LTBP1: variants seen among roughly 807,000 people sequenced by gnomAD.
LTBP1 encodes the protein latent-transforming growth factor beta-binding protein 1.
A neutral mutation model predicts 207.6 loss-of-function variants in LTBP1; 129 were observed. The ratio of observed to expected loss-of-function variants is 0.62; its 90% CI spans 0.54 to 0.72. LTBP1 has a LOEUF of 0.72. Among genes scored for constraint, LTBP1 ranks in the 30% least tolerant of loss-of-function variants. The pLI, the probability that LTBP1 is intolerant of heterozygous loss-of-function variation, is 0.00. For missense variants in LTBP1, 2,281 were observed against 2,217.2 expected, an observed-to-expected ratio of 1.03 and a Z score of -0.58; for synonymous variants, 963 against 833.7, an observed-to-expected ratio of 1.16 and a Z score of -2.67.
At chr2:33,097,634 T>G (rs1009197630) in intron 3 of LTBP1, among the ~76,000 whole-genome samples, 2 of 152,210 alleles carry the variant, frequency 1.3e-5, no homozygotes, top group Non-Finnish European at 2.9e-5. Flanking sequence ...ATAAGTAGTA[T>G]TAATAATGTG....
At chr2:33,265,381 G>A (rs1398208856) in intron 15 of LTBP1, among the ~76,000 whole-genome samples, 1 of 152,168 alleles carries the variant, frequency 6.6e-6, no homozygotes, top group African/African-American at 2.4e-5. Flanking sequence ...CAAAGGCTGT[G>A]GGTAGGAGTT....
At chr2:33,312,314 A>G (rs1395078657) in intron 23 of LTBP1, among the ~76,000 whole-genome samples, 9 of 152,216 alleles carry the variant, frequency 5.9e-5, no homozygotes, top group African/African-American at 2.2e-4. Context: ...TGTTCTGAAA[A>G]TACTTCTATA....
Position 33,399,417 on chromosome 2 carries a change from C to G in LTBP1, c.*872C>G, listed in dbSNP as rs952982688. The G allele has an allele frequency of 2.6e-5, 4 of 152,180 alleles. No individual in the cohort carries two copies. The highest frequency in any genetic ancestry group is 5.9e-5 in the Non-Finnish European group (4 of 68,030). 9.4% of individuals were successfully genotyped at this position (152,180 alleles called of 1,614,324 possible). ...ACATGTGTATAAGTTGTATCCCACT[C>G]TCCCCACTTTTATCTTTTCCAGTGG... On this transcript the variant is annotated 3_prime_UTR_variant, in exon 34 of 34. Coordinates refer to ENST00000404816, the MANE Select transcript of LTBP1 (RefSeq NM_206943.4).
intron 5 of LTBP1, among the ~76,000 whole-genome samples, chr2:33,144,813 G>C (rs2082886820): frequency 6.6e-6 from 1 of 152,172 alleles, no homozygotes; most frequent in African/African-American, 2.4e-5. Flanking sequence ...ATCAAGAGGT[G>C]TGTATATGGG....
At chr2:33,150,953 T>C (rs1399754564) in intron 5 of LTBP1, among the ~76,000 whole-genome samples, 3 of 151,850 alleles carry the variant, frequency 2.0e-5, no homozygotes, top group African/African-American at 7.3e-5. Flanking sequence ...TTGGCCAGGC[T>C]GGGCTCAAAT....
chr2:33,372,165 C>T (rs112344736), intron 31 of LTBP1, among the ~76,000 whole-genome samples: 6,543 of 152,252 alleles, frequency 0.043, 143 homozygotes, highest in Non-Finnish European at 0.052. Flanking sequence ...TCAGTGGTCA[C>T]GTACCAGTAA....
chr2:33,296,551 T>C (rs967997754), intron 20 of LTBP1, among the ~76,000 whole-genome samples: 1 of 152,114 alleles, frequency 6.6e-6, no homozygotes. Context: ...GATCAGACTC[T>C]CTAATGGGAT....
intron 9 of LTBP1, among the ~76,000 whole-genome samples, chr2:33,228,516 A>G (rs1463140351): frequency 6.6e-6 from 1 of 152,062 alleles, no homozygotes; most frequent in Non-Finnish European, 1.5e-5. Flanking sequence ...GGGAAAGGGA[A>G]CTAACCTTTA....
At chr2:33,370,062 C>G (rs1250708473) in intron 31 of LTBP1, among the ~76,000 whole-genome samples, 1 of 150,064 alleles carries the variant, frequency 6.7e-6, no homozygotes, top group African/African-American at 2.5e-5. Context: ...TTTTCTCTCT[C>G]TGTACCTCAG....
At chr2:33,337,837 T>C (rs1276561764) in intron 24 of LTBP1, among the ~76,000 whole-genome samples, 2 of 152,250 alleles carry the variant, frequency 1.3e-5, no homozygotes, top group African/African-American at 2.4e-5. Flanking sequence ...AAGGATGACT[T>C]TCACTTGTTC....
In LTBP1 at chr2:33,273,692, G is replaced by A. The variant is rs1399637816; in HGVS notation, c.2654G>A (p.Gly885Glu). ...NECTVNPDICGAGHCINLPVR... is the reference protein window; with the variant it reads ...NECTVNPDICEAGHCINLPVR... ...TGTACTGTGAACCCTGATATCTGTG[G>A]AGCAGGACACTGCATTAACCTACCA... Residue 885 changes from glycine to glutamate, a missense_variant, in exon 16 of 34, where the codon GGA becomes GAA. Transcript: ENST00000404816. The A allele has an allele frequency of 6.2e-7, 1 of 1,611,722 alleles. No individual in the cohort carries two copies. The highest frequency in any genetic ancestry group is 1.7e-5 in the Admixed American group (1 of 59,712).
intron 3 of LTBP1, among the ~76,000 whole-genome samples, chr2:33,098,514 C>G (rs939979712): frequency 7.9e-5 from 12 of 152,098 alleles, no homozygotes; most frequent in Non-Finnish European, 1.8e-4. Flanking sequence ...CTCACTGCAA[C>G]TTCTGCCTCC....
intron 32 of LTBP1, among the ~76,000 whole-genome samples, chr2:33,393,987 A>G (rs1334623236): frequency 1.3e-5 from 2 of 150,170 alleles, no homozygotes; most frequent in Admixed American, 6.7e-5. Flanking sequence ...CGCCATTGTA[A>G]TTGGTGTGAG....
chr2:33,158,166 G>A (rs1180882122), intron 5 of LTBP1, among the ~76,000 whole-genome samples: 20 of 74,468 alleles, frequency 2.7e-4, no homozygotes, highest in Non-Finnish European at 2.3e-4. Flanking sequence ...AAAAAAAAAA[G>A]AGAGAGAGAG....
At chr2:32,955,908 G>T (rs552241790) in intron 2 of LTBP1, among the ~76,000 whole-genome samples, 212 of 152,262 alleles carry the variant, frequency 1.4e-3, no homozygotes, top group Non-Finnish European at 2.3e-3. Context: ...GCATACCTCA[G>T]ATATGGAGGG....
intron 8 of LTBP1, among the ~76,000 whole-genome samples, chr2:33,218,565 T>G (rs1472631144): frequency 6.6e-6 from 1 of 152,078 alleles, no homozygotes; most frequent in African/African-American, 2.4e-5. Context: ...CCCAGCTAAT[T>G]TTTGTATTTT....
Position 33,397,167 on chromosome 2 carries a change from G to A in LTBP1, c.4869G>A (p.Glu1623=), listed in dbSNP as rs749196457. The part of the protein sequence containing the change: ...FLNSFEELQA[E]ECGILNGCEN... ...ATAGCTTTGAGGAGTTACAGGCTGA[G>A]GAATGCGGCATCCTCAATGGATGTG... Residue 1623 remains glutamate, a synonymous_variant, in exon 33 of 34, where the codon GAG becomes GAA. Transcript: ENST00000404816. The A allele has an allele frequency of 2.0e-5, 32 of 1,614,096 alleles. No individual in the cohort carries two copies. Among genetic ancestry groups the A allele is most frequent in the African/African-American group, 2.7e-5 (2 of 75,034 alleles).
rs1340649153 is a variant in LTBP1, at chr2:33,110,660, T to C, written c.942T>C (p.Phe314=). The C allele has an allele frequency of 6.2e-7, 1 of 1,614,068 alleles. No homozygotes were observed. Among genetic ancestry groups the C allele is most frequent in the Non-Finnish European group, 8.5e-7 (1 of 1,180,030 alleles). The change falls in exon 4 of 34, where the codon TTT becomes TTC. Residue 314 remains phenylalanine (F), a synonymous_variant. Transcript: ENST00000404816. Reference sequence around the variant, plus strand: ...AATACGTGCTCAAGCCCAAGTACTTTCCAGCCCAGAAGGGGATTTCAGGAG... The same window carrying C: ...AATACGTGCTCAAGCCCAAGTACTTCCCAGCCCAGAAGGGGATTTCAGGAG... The part of the protein sequence containing the change: ...TQEYVLKPKY[F]PAQKGISGEQ...
intron 9 of LTBP1, among the ~76,000 whole-genome samples, chr2:33,231,271 T>C (rs1247635929): frequency 2.6e-5 from 4 of 152,254 alleles, no homozygotes; most frequent in Admixed American, 2.6e-4. Context: ...TTTATTATAC[T>C]CGTTCTGCTT....
Sources: allele counts gnomAD v4.1 joint callset (sites outside exome capture counted in the v4.1 genomes callset), GRCh38; gene constraint gnomAD v4.1.1; transcripts MANE v1.5; gene names NCBI Gene and HGNC (gene_info 2026-07-23, HGNC 2026-07-21).